OPRM1: variants seen among roughly 807,000 people sequenced by gnomAD.
OPRM1 encodes mu-type opioid receptor.
Under a neutral mutation model 31.8 loss-of-function variants are expected in OPRM1, and 27 were observed. The observed-to-expected ratio is 0.85, with a 90% CI of 0.63 to 1.17. OPRM1 has a LOEUF of 1.17. OPRM1 is among the 50% of genes most tolerant of loss of function. The probability of loss-of-function intolerance (pLI) is 0.00; values close to 1 mark genes in which losing one functional copy is unlikely to be tolerated. For missense variants in OPRM1, 536 were observed against 511.1 expected, an observed-to-expected ratio of 1.05 and a Z score of -0.47; for synonymous variants, 196 against 189.9, an observed-to-expected ratio of 1.03 and a Z score of -0.26.
At chr6:154,110,612 GGC>G (rs1434532120) in intron 3 of OPRM1, among the ~76,000 whole-genome samples, 1 of 152,078 alleles carries the variant, frequency 6.6e-6, no homozygotes, top group Non-Finnish European at 1.5e-5. Flanking sequence ...TCATTGGCCG[GGC>G]ACGGTGGCTC....
intron 3 of OPRM1, among the ~76,000 whole-genome samples, chr6:154,185,139 C>T (rs1475375894): frequency 1.3e-5 from 2 of 152,158 alleles, no homozygotes; most frequent in Non-Finnish European, 2.9e-5. Context: ...TTATTGTCCC[C>T]TGAGCCTCTT....
At chr6:154,096,056 T>C in intron 3 of OPRM1, among the ~76,000 whole-genome samples, 1 of 152,084 alleles carries the variant, frequency 6.6e-6, no homozygotes, top group East Asian at 1.9e-4. Context: ...TTGTTGTTTG[T>C]TTGTTTTTTG....
At chr6:154,066,440 T>A (rs1785417417) in intron 1 of OPRM1, among the ~76,000 whole-genome samples, 1 of 152,124 alleles carries the variant, frequency 6.6e-6, no homozygotes, top group Non-Finnish European at 1.5e-5. Context: ...ACTGGCTCAA[T>A]CTCCTATTAT....
At chr6:154,015,205 A>C (rs1050018922) in intron 1 of OPRM1, among the ~76,000 whole-genome samples, 2 of 152,118 alleles carry the variant, frequency 1.3e-5, no homozygotes, top group Admixed American at 6.6e-5. Flanking sequence ...TGGGAAAAAA[A>C]GCAAACATAT....
At chr6:154,108,139 G>A (rs1795886943) in intron 3 of OPRM1, 6 of 561,432 alleles carry the variant, frequency 1.1e-5, no homozygotes, top group Middle Eastern at 7.4e-4. Context: ...TCGCCTACGG[G>A]CCAAGCTGCA....
At chr6:154,041,629 A>AT (rs1780079437) in intron 1 of OPRM1, among the ~76,000 whole-genome samples, 3 of 147,370 alleles carry the variant, frequency 2.0e-5, no homozygotes, top group African/African-American at 7.8e-5. Flanking sequence ...CCTAGCTAAC[A>AT]TATTTTTTTT....
At chr6:154,226,381 T>C (rs890928935) in intron 3 of OPRM1, among the ~76,000 whole-genome samples, 7 of 152,128 alleles carry the variant, frequency 4.6e-5, no homozygotes, top group Admixed American at 1.3e-4. Flanking sequence ...ATTATCTTAC[T>C]CCATAAAATG....
chr6:154,220,625 G>A (rs1778790094), intron 3 of OPRM1, among the ~76,000 whole-genome samples: 1 of 152,072 alleles, frequency 6.6e-6, no homozygotes, highest in Non-Finnish European at 1.5e-5. Flanking sequence ...CTGGGCAACA[G>A]AACAAGACTG....
chr6:154,200,590 G>A (rs187321353), intron 3 of OPRM1, among the ~76,000 whole-genome samples: 16 of 152,068 alleles, frequency 1.1e-4, no homozygotes, highest in African/African-American at 1.9e-4. Context: ...GCTTGGTGGC[G>A]CGCACCTGTA....
At chr6:154,072,147 G>T (rs1304117840) in intron 1 of OPRM1, among the ~76,000 whole-genome samples, 1 of 152,184 alleles carries the variant, frequency 6.6e-6, no homozygotes, top group African/African-American at 2.4e-5. Context: ...GATAACAAGA[G>T]CTGGGAAGGT....
intron 1 of OPRM1, among the ~76,000 whole-genome samples, chr6:154,051,682 T>C (rs1310846475): frequency 6.6e-6 from 1 of 152,172 alleles, no homozygotes; most frequent in Non-Finnish European, 1.5e-5. Context: ...AAACAATAGA[T>C]ACTGGTGAGG....
Position 154,220,109 on chromosome 6 carries a change from G to A in OPRM1, c.1165-26584G>A, listed in dbSNP as rs1262157173. ...AAGAGAGCAATGAGAACTACATAGG[G>A]CAGATAGGTAAGGAAATCATTATAA... On this transcript the variant is annotated intron_variant, in intron 3 of 3. Coordinates refer to the OPRM1 transcript ENST00000337049. Among the ~76,000 whole-genome samples the A allele has an allele frequency of 2.0e-5, 3 of 152,096 alleles. No homozygotes were observed. In the East Asian group the frequency reaches 5.8e-4, roughly 29 times the overall value.
intron 3 of OPRM1, among the ~76,000 whole-genome samples, chr6:154,094,766 G>A (rs765834081): frequency 1.3e-5 from 2 of 152,220 alleles, no homozygotes; most frequent in Non-Finnish European, 2.9e-5. Flanking sequence ...GTCAAATAAA[G>A]TCATCCTGCC....
Position 154,121,925 on chromosome 6 carries a change from C to T in OPRM1, c.*3204C>T, listed in dbSNP as rs987835059. 3.3e-4 allele frequency among the ~76,000 whole-genome samples: 50 copies of T among 152,172 alleles called. No homozygotes were observed. Among genetic ancestry groups the T allele is most frequent in the African/African-American group, 2.4e-4 (10 of 41,432 alleles). On this transcript the variant is annotated 3_prime_UTR_variant, in exon 4 of 4. Transcript: ENST00000330432. Reference sequence around the variant, plus strand: ...CTAAATATGTGGAAATGATAAGATGCGTACTGCATCTCTCATATAATAAAG... The same window carrying T: ...CTAAATATGTGGAAATGATAAGATGTGTACTGCATCTCTCATATAATAAAG...
At chr6:154,071,769 A>G (rs1479165152) in intron 1 of OPRM1, among the ~76,000 whole-genome samples, 1 of 152,208 alleles carries the variant, frequency 6.6e-6, no homozygotes, top group Non-Finnish European at 1.5e-5. Flanking sequence ...GTTGTCATTG[A>G]GCAGTGGTCA....
At chr6:154,026,775 T>A (rs1411502174) in intron 1 of OPRM1, among the ~76,000 whole-genome samples, 1 of 152,200 alleles carries the variant, frequency 6.6e-6, no homozygotes, top group Non-Finnish European at 1.5e-5. Flanking sequence ...GCATTTTTCA[T>A]CTCTATAATT....
In OPRM1 at chr6:154,110,018, T is replaced by C. The variant is rs540190588; in HGVS notation, c.1165-8665T>C. 5.9e-5 allele frequency among the ~76,000 whole-genome samples: 9 copies of C among 152,268 alleles called. 1 individual carries two copies. In the South Asian group the frequency reaches 1.9e-3, roughly 32 times the overall value. ...CATGAATCTATTCAAAATTCAATGT[T>C]TCACTGGAATAATTGGCAAGGTCTC... On this transcript the variant is annotated intron_variant, in intron 3 of 3. Coordinates refer to ENST00000330432, the MANE Select transcript of OPRM1 (RefSeq NM_000914.5).
intron 3 of OPRM1, among the ~76,000 whole-genome samples, chr6:154,218,717 C>T (rs1778613380): frequency 6.6e-6 from 1 of 152,128 alleles, no homozygotes; most frequent in African/African-American, 2.4e-5. Flanking sequence ...AATAATGAAA[C>T]TCTATAATGA....
chr6:154,151,663 A>C (rs1798501602), intron 3 of OPRM1, among the ~76,000 whole-genome samples: 1 of 151,760 alleles, frequency 6.6e-6, no homozygotes. Flanking sequence ...GCATGAGGAC[A>C]ATAATGTGCT....
Sources: allele counts gnomAD v4.1 joint callset (sites outside exome capture counted in the v4.1 genomes callset), GRCh38; gene constraint gnomAD v4.1.1; transcripts MANE v1.5; gene names NCBI Gene and HGNC (gene_info 2026-07-23, HGNC 2026-07-21).